Variants in MDH1B observed in about 807,000 individuals in gnomAD.
The protein encoded by MDH1B is malate dehydrogenase 1B, also known as putative malate dehydrogenase 1B.
MDH1B carries 60 observed loss-of-function variants against 61.4 expected under a neutral mutation model. The ratio of observed to expected loss-of-function variants is 0.98; its 90% CI spans 0.79 to 1.21. The LOEUF is 1.21. MDH1B is among the 50% of genes most tolerant of loss of function. The probability of loss-of-function intolerance (pLI) is 0.00; values close to 1 mark genes in which losing one functional copy is unlikely to be tolerated. For synonymous variants in MDH1B, 236 were observed against 218.7 expected, an observed-to-expected ratio of 1.08 and a Z score of -0.70; for missense variants, 587 against 632.1, an observed-to-expected ratio of 0.93 and a Z score of 0.76.
chr2:206,739,744 T>G (rs1410503356), intron 10 of MDH1B, 83 bp from the exon 11 acceptor site: 1 of 1,233,888 alleles, frequency 8.1e-7, no homozygotes, highest in Non-Finnish European at 1.2e-6. Flanking sequence ...TCTATCTTGT[T>G]CCTTCCACTC....
At position 206,751,028 on chromosome 2, in the gene MDH1B, C is replaced by A. The variant is rs148716417; in HGVS notation, c.958G>T (p.Val320Phe). 928 of 1,608,208 alleles carry A rather than the reference C, an allele frequency of 5.8e-4. 2 individuals carry two copies. Among genetic ancestry groups the A allele is most frequent in the Non-Finnish European group, 6.8e-4 (794 of 1,176,106 alleles). Residue 320 changes from valine (V) to phenylalanine (F), a missense_variant, in exon 6 of 12, where the codon GTT becomes TTT. Transcript: ENST00000374412. ...IWGNISGNNY[V>F]DLRKTRVYRY... ...TACACCCTTGTTTTTCTCAGATCAA[C>A]GTAATTATTTCCACTGATATTACCC...
At chr2:206,739,854 A>G (rs1687709085) in intron 10 of MDH1B, among the ~76,000 whole-genome samples, 193 bp from the exon 11 acceptor site, 1 of 152,146 alleles carries the variant, frequency 6.6e-6, no homozygotes. Flanking sequence ...CTATGTCCTG[A>G]GTGGACAATA....
Position 206,738,433 on chromosome 2 carries a change from T to A in MDH1B, c.*50A>T. ...TATAGACATTCATATAAATTCTTTC[T>A]ATGTTTATTGTGCTATCAAGTAATT... On this transcript the variant is annotated 3_prime_UTR_variant, in exon 12 of 12. Coordinates refer to ENST00000374412, the MANE Select transcript of MDH1B (RefSeq NM_001039845.3). 7.4e-7 allele frequency: 1 copy of A among 1,351,964 alleles called. No homozygotes were observed. The highest frequency in any genetic ancestry group is 1.0e-6 in the Non-Finnish European group (1 of 972,968). The allele number at this position is 1,351,964 out of a possible 1,614,324, so 83.7% of individuals were successfully genotyped here.
chr2:206,738,477 G>T lies in MDH1B; in HGVS notation c.*6C>A. 6.4e-7 allele frequency: 1 copy of T among 1,569,744 alleles called. No individual in the cohort carries two copies. Among genetic ancestry groups the T allele is most frequent in the South Asian group, 1.2e-5 (1 of 86,130 alleles). On this transcript the variant is annotated 3_prime_UTR_variant, in exon 12 of 12. Transcript: ENST00000374412. ...AGTAATTATATATTTCATCCAATTT[G>T]ATCTGTTAGGATTCCACGGTTTTGC...
chr2:206,762,849 T>C (rs1163213255), intron 1 of MDH1B, among the ~76,000 whole-genome samples: 1 of 152,200 alleles, frequency 6.6e-6, no homozygotes, highest in Non-Finnish European at 1.5e-5. Flanking sequence ...GAAACACTGC[T>C]ATAGTGGGGG....
chr2:206,742,490 C>G (rs1687866576), intron 9 of MDH1B, among the ~76,000 whole-genome samples: 1 of 152,160 alleles, frequency 6.6e-6, no homozygotes, highest in African/African-American at 2.4e-5. Context: ...CCACCTTTGT[C>G]TGAGGAGATA....
chr2:206,743,608 G>T (rs1327323330), intron 9 of MDH1B, among the ~76,000 whole-genome samples: 1 of 152,190 alleles, frequency 6.6e-6, no homozygotes, highest in Non-Finnish European at 1.5e-5. Context: ...AGTTCTCCAT[G>T]TGACATTTCC....
At chr2:206,745,730 CTTTTTTTTTT>C in intron 8 of MDH1B, 57 bp from the exon 9 acceptor site, 1 of 747,924 alleles carries the variant, frequency 1.3e-6, no homozygotes, top group Non-Finnish European at 2.0e-6. Context: ...CTTAATTCTT[CTTTTTTTTTT>C]TTTTTTTTTT....
chr2:206,755,426 T>G lies in MDH1B; in HGVS notation c.493A>C (p.Ile165Leu). ...GCCTGCTTGTTGTCAAATAGAGTTA[T>G]GCTAATTTCTGTATGCATCCCAAAC... ...EVFGMHTEIS[I>L]TLFDNKQAEE... The change falls in exon 5 of 12, where the codon ATA (isoleucine) becomes CTA (leucine). Residue 165 changes from isoleucine (I) to leucine (L), a missense_variant. Coordinates refer to ENST00000374412, the MANE Select transcript of MDH1B (RefSeq NM_001039845.3). 6.2e-7 allele frequency: 1 copy of G among 1,614,224 alleles called. No homozygotes were observed. The highest frequency in any genetic ancestry group is 1.6e-4 in the Middle Eastern group (1 of 6,062).
At chr2:206,752,792 C>CTT (rs35837110) in intron 5 of MDH1B, among the ~76,000 whole-genome samples, 78 of 140,816 alleles carry the variant, frequency 5.5e-4, no homozygotes, top group African/African-American at 2.0e-3. Context: ...TCCCCTCCTC[C>CTT]TTTTTTTTTT....
At chr2:206,754,442 C>T (rs1688639490) in intron 5 of MDH1B, among the ~76,000 whole-genome samples, 1 of 152,114 alleles carries the variant, frequency 6.6e-6, no homozygotes, top group Non-Finnish European at 1.5e-5. Context: ...GAGCAGAAAC[C>T]GATCAGATAT....
intron 6 of MDH1B, among the ~76,000 whole-genome samples, chr2:206,750,072 G>A (rs1433516649): frequency 6.6e-6 from 1 of 151,954 alleles, no homozygotes; most frequent in African/African-American, 2.4e-5. Context: ...AGTGAACTCG[G>A]GACACATCAT....
At position 206,757,234 on chromosome 2, in the gene MDH1B, T is replaced by C; in HGVS notation, c.270+3A>G. The C allele has an allele frequency of 1.2e-6, 2 of 1,610,862 alleles. No individual in the cohort carries two copies. The highest frequency in any genetic ancestry group is 1.7e-6 in the Non-Finnish European group (2 of 1,178,822). On this transcript the variant is annotated splice_donor_region_variant and intron_variant, in intron 3 of 11. Coordinates refer to ENST00000374412, the MANE Select transcript of MDH1B (RefSeq NM_001039845.3). ...ATTAGAACAGATAAGTTAACTTATA[T>C]ACCTGAGCATGCTCCAGGAACTCAT...
Position 206,738,414 on chromosome 2 carries a change from C to T in MDH1B, c.*69G>A. The T allele has an allele frequency of 8.8e-7, 1 of 1,137,082 alleles. No homozygotes were observed. Among genetic ancestry groups the T allele is most frequent in the Non-Finnish European group, 1.3e-6 (1 of 788,366 alleles). The allele number at this position is 1,137,082 out of a possible 1,614,324, so 70.4% of individuals were successfully genotyped here. ...CAAATTATTCTTCCTTAAATATAGA[C>T]ATTCATATAAATTCTTTCTATGTTT... On this transcript the variant is annotated 3_prime_UTR_variant, in exon 12 of 12. Coordinates refer to ENST00000374412, the MANE Select transcript of MDH1B (RefSeq NM_001039845.3).
chr2:206,756,716 G>T (rs1688779894), intron 4 of MDH1B, 182 bp downstream of exon 4: 2 of 610,412 alleles, frequency 3.3e-6, no homozygotes, highest in Admixed American at 3.1e-5. Context: ...TGAGTTATAT[G>T]GAGGATACAA....
intron 9 of MDH1B, among the ~76,000 whole-genome samples, chr2:206,743,417 G>T (rs1559332389): frequency 6.6e-6 from 1 of 152,024 alleles, no homozygotes; most frequent in Non-Finnish European, 1.5e-5. Flanking sequence ...CTTTCTCATG[G>T]TCCTCTGTCA....
rs896573858 is a variant in MDH1B, at chr2:206,737,918, G to A, written c.*565C>T. On this transcript the variant is annotated 3_prime_UTR_variant, in exon 12 of 12. Transcript: ENST00000374412. ...TACAGAGGCAGGTCTTATGAAGGTG[G>A]TGAACCCAACCAGCTCTGAAGAGCT... The A allele has an allele frequency of 4.6e-5, 7 of 152,234 alleles. No homozygotes were observed. The highest frequency in any genetic ancestry group is 1.7e-4 in the African/African-American group (7 of 41,436). 9.4% of individuals were successfully genotyped at this position (152,234 alleles called of 1,614,324 possible).
At chr2:206,746,487 T>C in intron 7 of MDH1B, 61 bp from the exon 8 acceptor site, 1 of 1,506,086 alleles carries the variant, frequency 6.6e-7, no homozygotes, top group South Asian at 1.3e-5. Flanking sequence ...GCACCTTTTC[T>C]GTTAAGCATT....
intron 5 of MDH1B, among the ~76,000 whole-genome samples, chr2:206,753,551 T>C (rs1688576215): frequency 6.6e-6 from 1 of 152,174 alleles, no homozygotes; most frequent in Admixed American, 6.5e-5. Flanking sequence ...TTAGGGGTTA[T>C]CATGAATCTT....
Sources: gnomAD v4.1 joint callset for allele counts (sites outside exome capture counted in the v4.1 genomes callset) on GRCh38, gnomAD v4.1.1 for gene constraint, MANE v1.5 for transcripts, NCBI Gene and HGNC (gene_info 2026-07-23, HGNC 2026-07-21) for gene names.